The following G3BP1 variants were observed in gnomAD, a reference collection of about 807,000 sequenced individuals.
G3BP1 encodes the protein ras GTPase-activating protein-binding protein 1.
G3BP1 carries 35 observed loss-of-function variants against 58.6 expected under a neutral mutation model. That is an observed-to-expected ratio of 0.60 (90% CI 0.46 to 0.79). The LOEUF (loss-of-function observed/expected upper bound fraction) is 0.79. G3BP1 is among the 30% of genes least tolerant of loss of function. G3BP1 has a pLI of 0.00. For synonymous variants in G3BP1, 191 were observed against 195.4 expected, an observed-to-expected ratio of 0.98 and a Z score of 0.19; for missense variants, 523 against 580.8, an observed-to-expected ratio of 0.90 and a Z score of 1.02.
rs201289819 is a variant in G3BP1 at position 151,800,019 on chromosome 5, G to A, written c.955+19G>A. The A allele has an allele frequency of 2.0e-5, 29 of 1,483,556 alleles. No individual in the cohort carries two copies. The highest frequency in any genetic ancestry group is 2.5e-5 in the Non-Finnish European group (27 of 1,067,590). The allele number at this position is 1,483,556 out of a possible 1,614,324, so 91.9% of individuals were successfully genotyped here. On this transcript the variant is annotated intron_variant, in intron 9 of 11. Transcript: ENST00000356245. ...AGACCAAGTAAGAGCTCAGAAGGGCGATTTCTCGTTTGGGGGATTTTGAGG... is the reference window on the plus strand; with the variant it reads ...AGACCAAGTAAGAGCTCAGAAGGGCAATTTCTCGTTTGGGGGATTTTGAGG...
intron 4 of G3BP1, chr5:151,791,360 A>T (rs1762648747): frequency 4.8e-6 from 1 of 208,668 alleles, no homozygotes. Flanking sequence ...ATCCATTTTT[A>T]AAATTTGGAA....
In G3BP1 at chr5:151,786,553, C is replaced by T; in HGVS notation, c.-49-19C>T. 1 of 966,258 alleles carries T rather than the reference C, an allele frequency of 1.0e-6. No individual in the cohort carries two copies. The highest frequency in any genetic ancestry group is 1.7e-6 in the Non-Finnish European group (1 of 593,998). 59.9% of individuals were successfully genotyped at this position (966,258 alleles called of 1,614,324 possible). A position where few individuals can be genotyped will look rare whatever the true frequency, so the allele number is the denominator to read the frequency against. On this transcript the variant is annotated intron_variant, in intron 1 of 11. Coordinates refer to ENST00000356245, the MANE Select transcript of G3BP1 (RefSeq NM_005754.3). The stretch of plus-strand genomic sequence containing the variant: ...TCAGCTAAATGATTCGGTCTTTTCC[C>T]CTGTGTTTGATCCTTCAGGTTTGGA...
At chr5:151,789,752 A>G (rs1387501608) in intron 2 of G3BP1, among the ~76,000 whole-genome samples, 4 of 152,222 alleles carry the variant, frequency 2.6e-5, no homozygotes, top group African/African-American at 9.6e-5. Context: ...ACATGAAACT[A>G]CAAGATCCTT....
chr5:151,779,188 A>G (rs911112890), intron 1 of G3BP1, among the ~76,000 whole-genome samples: 1 of 152,164 alleles, frequency 6.6e-6, no homozygotes, highest in African/African-American at 2.4e-5. Flanking sequence ...GAGGCAGTCT[A>G]CGTGATCAAT....
Position 151,798,601 on chromosome 5 carries a change from A to G in G3BP1, c.742-611A>G, listed in dbSNP as rs534003649. ...TTTGTACAATGGATTGGATGGAATCACAGTAGGAAGAGCTGAGCTGATTTT... is the reference window on the plus strand; with the variant it reads ...TTTGTACAATGGATTGGATGGAATCGCAGTAGGAAGAGCTGAGCTGATTTT... On this transcript the variant is annotated intron_variant, in intron 7 of 11. Coordinates refer to ENST00000356245, the MANE Select transcript of G3BP1 (RefSeq NM_005754.3). 3.9e-5 allele frequency among the ~76,000 whole-genome samples: 6 copies of G among 152,332 alleles called. No homozygotes were observed. The South Asian group carries it at 1.2e-3, about 32-fold the overall frequency.
At chr5:151,788,350 A>C (rs1478595349) in intron 2 of G3BP1, among the ~76,000 whole-genome samples, 1 of 152,038 alleles carries the variant, frequency 6.6e-6, no homozygotes, top group East Asian at 1.9e-4. Context: ...TTGCAGGTAC[A>C]TATGCACATG....
intron 1 of G3BP1, among the ~76,000 whole-genome samples, chr5:151,777,020 T>C (rs1762384099): frequency 6.6e-6 from 1 of 152,094 alleles, no homozygotes. Context: ...ATTTTGCCTG[T>C]CTCAGGTCCA....
In G3BP1 at chr5:151,811,467, A is replaced by T. The variant is rs1181266087; in HGVS notation, c.*7376A>T. On this transcript the variant is annotated 3_prime_UTR_variant, in exon 12 of 12. Transcript: ENST00000356245. Reference sequence around the variant, plus strand: ...AGTTCTTGCATATAAAGTTGGTTAAATAGTAATAATTATGAGTTAACCACA... The same window carrying T: ...AGTTCTTGCATATAAAGTTGGTTAATTAGTAATAATTATGAGTTAACCACA... 9 of 152,240 alleles carry T rather than the reference A, an allele frequency of 5.9e-5. No homozygotes were observed. Among genetic ancestry groups the T allele is most frequent in the African/African-American group, 9.6e-5 (4 of 41,462 alleles). The allele number at this position is 152,240 out of a possible 1,614,324, so 9.4% of individuals were successfully genotyped here.
At chr5:151,779,672 A>C (rs181143765) in intron 1 of G3BP1, among the ~76,000 whole-genome samples, 2 of 152,230 alleles carry the variant, frequency 1.3e-5, no homozygotes, top group Non-Finnish European at 2.9e-5. Context: ...GCTTTCTGGC[A>C]GGCATAAATA....
intron 1 of G3BP1, among the ~76,000 whole-genome samples, chr5:151,779,106 T>C (rs1430266531): frequency 6.6e-6 from 1 of 152,166 alleles, no homozygotes; most frequent in African/African-American, 2.4e-5. Context: ...TATTTACTCC[T>C]AATCTGTGGC....
intron 1 of G3BP1, among the ~76,000 whole-genome samples, chr5:151,776,206 TG>T (rs2113214111): frequency 6.6e-6 from 1 of 152,342 alleles, no homozygotes; most frequent in African/African-American, 2.4e-5. Context: ...TACAGATTTT[TG>T]GGGGAAGAAT....
chr5:151,791,763 C>T (rs2964570), intron 4 of G3BP1: 80,152 of 189,680 alleles, frequency 0.42, 17,285 homozygotes, highest in African/African-American at 0.47. Flanking sequence ...TTCAGGCTGT[C>T]CTCCTGACTC....
At position 151,806,908 on chromosome 5, in the gene G3BP1, G is replaced by A. The variant is rs1389077439; in HGVS notation, c.*2817G>A. The A allele has an allele frequency of 2.0e-5, 3 of 152,220 alleles. No homozygotes were observed. The highest frequency in any genetic ancestry group is 4.4e-5 in the Non-Finnish European group (3 of 68,008). 9.4% of individuals were successfully genotyped at this position (152,220 alleles called of 1,614,324 possible). A position where few individuals can be genotyped will look rare whatever the true frequency, so the allele number is the denominator to read the frequency against. On this transcript the variant is annotated 3_prime_UTR_variant, in exon 12 of 12. Transcript: ENST00000356245. ...TCCAAGTAGCCGGAACTACAGGTGTGCACCATTGCACCTGGCCTCATGAGT... is the reference window on the plus strand; with the variant it reads ...TCCAAGTAGCCGGAACTACAGGTGTACACCATTGCACCTGGCCTCATGAGT...
intron 11 of G3BP1, among the ~76,000 whole-genome samples, chr5:151,802,600 C>CTT (rs1056428535): frequency 6.6e-6 from 1 of 152,178 alleles, no homozygotes; most frequent in African/African-American, 2.4e-5. Context: ...AAGTAGGTAT[C>CTT]TACCATCAGA....
intron 5 of G3BP1, among the ~76,000 whole-genome samples, chr5:151,795,059 C>T (rs1432252408): frequency 2.6e-5 from 4 of 152,120 alleles, no homozygotes; most frequent in African/African-American, 4.8e-5. Context: ...GGGCAGATCA[C>T]GAGGTCAGGA....
At chr5:151,772,716 G>C (rs570784445) in intron 1 of G3BP1, 2 of 152,428 alleles carry the variant, frequency 1.3e-5, no homozygotes, top group African/African-American at 4.8e-5. Flanking sequence ...CACGGGTTTG[G>C]AGAGCGGGGT....
At chr5:151,784,124 C>G (rs966189622) in intron 1 of G3BP1, among the ~76,000 whole-genome samples, 3 of 152,072 alleles carry the variant, frequency 2.0e-5, no homozygotes, top group Non-Finnish European at 4.4e-5. Flanking sequence ...GAGATGGGGT[C>G]TTGCTCTGGC....
At position 151,791,014 on chromosome 5, in the gene G3BP1, C is replaced by A. The variant is rs1415362104; in HGVS notation, c.303C>A (p.Asn101Lys). ...AGGTGATGGGGCTTCTCTCTAACAACAACCAGGCTTTGAGGAGATTCATGC... is the reference window on the plus strand; with the variant it reads ...AGGTGATGGGGCTTCTCTCTAACAAAAACCAGGCTTTGAGGAGATTCATGC... Reference protein sequence around the residue: ...VVQVMGLLSNNNQALRRFMQT... With the variant: ...VVQVMGLLSNKNQALRRFMQT... Residue 101 changes from asparagine to lysine, a missense_variant, in exon 4 of 12, where the codon AAC becomes AAA. Asn to Lys is a moderately conservative substitution (Grantham distance 94). Around this residue, in one of 2 missense-constraint regions of G3BP1, gnomAD observed 398 missense variants for 399.1 expected, o/e 1.00. Coordinates refer to ENST00000356245, the MANE Select transcript of G3BP1 (RefSeq NM_005754.3). 6.2e-7 allele frequency: 1 copy of A among 1,613,850 alleles called. No homozygotes were observed. The highest frequency in any genetic ancestry group is 8.5e-7 in the Non-Finnish European group (1 of 1,179,858).
rs1762907269 is a variant in G3BP1 at position 151,804,288 on chromosome 5, T to C, written c.*197T>C. 5.0e-6 allele frequency: 2 copies of C among 401,018 alleles called. No homozygotes were observed. Among genetic ancestry groups the C allele is most frequent in the East Asian group, 3.6e-5 (1 of 27,854 alleles). 24.8% of individuals were successfully genotyped at this position (401,018 alleles called of 1,614,324 possible). On this transcript the variant is annotated 3_prime_UTR_variant, in exon 12 of 12. Transcript: ENST00000356245. ...CCTTTCCTGACCTTTAGTCTTTCAC[T>C]TCCAATTTTGTGGAATGATATTTTA...
Sources: allele counts gnomAD v4.1 joint callset (sites outside exome capture counted in the v4.1 genomes callset), GRCh38; gene constraint gnomAD v4.1.1; regional missense constraint gnomAD v4.1.1; transcripts MANE v1.5; gene names NCBI Gene and HGNC (gene_info 2026-07-23, HGNC 2026-07-21).